The following ANKRD30B variants were observed in gnomAD, a reference collection of about 807,000 sequenced individuals.
ANKRD30B encodes ankyrin repeat domain-containing protein 30B.
ANKRD30B carries 144 observed loss-of-function variants against 202.2 expected under a neutral mutation model. That is an observed-to-expected ratio of 0.71 (90% CI 0.62 to 0.82). ANKRD30B has a LOEUF of 0.82. ANKRD30B is among the 40% of genes least tolerant of loss of function. The pLI is 0.00. For missense variants in ANKRD30B, 1,487 were observed against 1,669.1 expected (o/e 0.89, Z 1.90); for synonymous variants, 508 against 561.3 (o/e 0.91, Z 1.34).
the ANKRD30B span, among the ~76,000 whole-genome samples, chr18:14,908,076 G>A: frequency 6.6e-6 from 1 of 152,132 alleles, no homozygotes; most frequent in Non-Finnish European, 1.5e-5. Flanking sequence ...AATAATTGGG[G>A]GTTTGCAGCA....
intron 30 of ANKRD30B, among the ~76,000 whole-genome samples, chr18:14,818,983 G>C (rs1436830623): frequency 6.6e-6 from 1 of 152,130 alleles, no homozygotes; most frequent in African/African-American, 2.4e-5. Context: ...CACCAACAGT[G>C]TCAAAGTGTT....
chr18:14,916,312 G>A, the ANKRD30B span, among the ~76,000 whole-genome samples: 2 of 152,084 alleles, frequency 1.3e-5, no homozygotes, highest in African/African-American at 4.8e-5. Context: ...TAGTTCTCCT[G>A]TGAATGGCCA....
At chr18:14,909,840 A>T in the ANKRD30B span, 3 of 152,134 alleles carry the variant, frequency 2.0e-5, no homozygotes, top group Non-Finnish European at 2.9e-5. Flanking sequence ...TTAGACTGCA[A>T]AGCACACAAT....
At chr18:14,833,852 CCTTCACCTT>C (rs1001405788) in intron 34 of ANKRD30B, among the ~76,000 whole-genome samples, 1 of 152,098 alleles carries the variant, frequency 6.6e-6, no homozygotes, top group Non-Finnish European at 1.5e-5. Flanking sequence ...TCTTCCGCCT[CCTTCACCTT>C]TTAAAAAATG....
At chr18:14,771,022 T>C (rs1966969154) in intron 8 of ANKRD30B, among the ~76,000 whole-genome samples, 1 of 152,110 alleles carries the variant, frequency 6.6e-6, no homozygotes, top group African/African-American at 2.4e-5. Flanking sequence ...GTCCTACCCA[T>C]GTACATATAA....
the ANKRD30B span, among the ~76,000 whole-genome samples, chr18:14,917,692 C>T: frequency 2.0e-5 from 3 of 152,192 alleles, no homozygotes; most frequent in Non-Finnish European, 4.4e-5. Flanking sequence ...CATGTGGGGC[C>T]ATGTAACTAA....
At position 14,748,172 on chromosome 18, in the gene ANKRD30B, G is replaced by C. The variant is rs538072996; in HGVS notation, c.-248G>C. The C allele has an allele frequency of 5.1e-4, 196 of 381,878 alleles. No homozygotes were observed. In the East Asian group the frequency reaches 7.7e-3, roughly 15 times the overall value. 23.7% of individuals were successfully genotyped at this position (381,878 alleles called of 1,614,324 possible). ...GCTGAGCTGCGCGTGAGCTGCTGCTGTAACGCTCTAACGTTAGAGCAGCTA... is the reference window on the plus strand; with the variant it reads ...GCTGAGCTGCGCGTGAGCTGCTGCTCTAACGCTCTAACGTTAGAGCAGCTA... On this transcript the variant is annotated 5_prime_UTR_variant, in exon 1 of 44. Transcript: ENST00000690538.
the ANKRD30B span, among the ~76,000 whole-genome samples, chr18:14,892,742 CAAAAAAAA>C: frequency 5.2e-4 from 38 of 72,924 alleles, no homozygotes; most frequent in African/African-American, 1.6e-3. Flanking sequence ...TCTGTTTCAC[CAAAAAAAA>C]AAAAAAAAAA....
intron 37 of ANKRD30B, among the ~76,000 whole-genome samples, chr18:14,841,825 A>C (rs1396771033): frequency 1.3e-5 from 2 of 152,178 alleles, no homozygotes; most frequent in Non-Finnish European, 2.9e-5. Flanking sequence ...AGACTACCGG[A>C]AGCGGGAGGA....
the ANKRD30B span, among the ~76,000 whole-genome samples, chr18:14,865,373 A>C: frequency 6.9e-5 from 9 of 130,818 alleles, no homozygotes; most frequent in African/African-American, 1.5e-4. Context: ...TTCTCCTTCC[A>C]CTTGTCACCC....
intron 30 of ANKRD30B, among the ~76,000 whole-genome samples, chr18:14,820,743 T>C (rs1469327538): frequency 6.6e-6 from 1 of 152,140 alleles, no homozygotes; most frequent in East Asian, 1.9e-4. Flanking sequence ...AGCTTTTTGA[T>C]GTGCTGCTGG....
At chr18:14,891,790 T>C in the ANKRD30B span, among the ~76,000 whole-genome samples, 1 of 152,348 alleles carries the variant, frequency 6.6e-6, no homozygotes, top group African/African-American at 2.4e-5. Flanking sequence ...CTTGCCCTTT[T>C]AGAGCACTCT....
intron 9 of ANKRD30B, 63 bp downstream of exon 9, chr18:14,772,291 TAGC>T (rs1967054438): frequency 2.8e-6 from 3 of 1,074,396 alleles, no homozygotes; most frequent in South Asian, 4.2e-5. Context: ...TAGTATTTCT[TAGC>T]AGTGGTGTAT....
chr18:14,755,052 T>C (rs765051392), intron 4 of ANKRD30B, 47 bp downstream of exon 4: 2 of 1,099,574 alleles, frequency 1.8e-6, no homozygotes, highest in Admixed American at 3.5e-5. Flanking sequence ...ACTAGTGTTC[T>C]AGAGTAATAA....
chr18:14,855,113 T>G (rs966707611), downstream of ANKRD30B, among the ~76,000 whole-genome samples: 4 of 149,104 alleles, frequency 2.7e-5, no homozygotes, highest in African/African-American at 1.0e-4. Context: ...TGACTCTTAA[T>G]GAGCATGCTG....
At chr18:14,877,542 A>G in the ANKRD30B span, 2 of 151,660 alleles carry the variant, frequency 1.3e-5, no homozygotes, top group East Asian at 3.9e-4. Context: ...TAGGCACTCA[A>G]CCAATGTTAG....
chr18:14,750,191 C>T (rs1390228022), intron 1 of ANKRD30B, among the ~76,000 whole-genome samples: 1 of 152,004 alleles, frequency 6.6e-6, no homozygotes, highest in Admixed American at 6.6e-5. Context: ...TGTGTGTATA[C>T]ATATTAGAAT....
At chr18:14,869,543 CATA>C in the ANKRD30B span, among the ~76,000 whole-genome samples, 7 of 152,056 alleles carry the variant, frequency 4.6e-5, no homozygotes, top group Admixed American at 4.6e-4. Flanking sequence ...AGCAGATGAC[CATA>C]ATAAATTATT....
At chr18:14,823,508 C>G (rs1479228518) in intron 32 of ANKRD30B, among the ~76,000 whole-genome samples, 1 of 151,656 alleles carries the variant, frequency 6.6e-6, no homozygotes. Context: ...GCGTGTGTGA[C>G]TTATAATTTT....
Sources: allele counts gnomAD v4.1 joint callset (sites outside exome capture counted in the v4.1 genomes callset), GRCh38; gene constraint gnomAD v4.1.1; transcripts MANE v1.5; gene names NCBI Gene and HGNC (gene_info 2026-07-23, HGNC 2026-07-21).